Variants in CCSER1 observed in about 807,000 individuals in gnomAD.
CCSER1 encodes the protein serine-rich coiled-coil domain-containing protein 1.
Under a neutral mutation model 82.0 loss-of-function variants are expected in CCSER1, and 41 were observed. The ratio of observed to expected loss-of-function variants is 0.50; its 90% CI spans 0.39 to 0.65. The LOEUF (loss-of-function observed/expected upper bound fraction) is 0.65. CCSER1 is among the 30% of genes least tolerant of loss of function. The pLI is 0.00. For missense variants in CCSER1, 1,119 were observed against 1,064.2 expected, an observed-to-expected ratio of 1.05 and a Z score of -0.72; for synonymous variants, 414 against 383.9, an observed-to-expected ratio of 1.08 and a Z score of -0.92.
chr4:90,407,737 T>C (rs1753947356), intron 4 of CCSER1, among the ~76,000 whole-genome samples: 1 of 152,102 alleles, frequency 6.6e-6, no homozygotes, highest in African/African-American at 2.4e-5. Flanking sequence ...TTTCTGCATT[T>C]CCAACTGAGG....
intron 5 of CCSER1, among the ~76,000 whole-genome samples, chr4:90,624,414 T>C (rs1032675931): frequency 2.0e-5 from 3 of 152,084 alleles, no homozygotes; most frequent in African/African-American, 7.2e-5. Flanking sequence ...AAAAAAATCA[T>C]AAAAATATTC....
chr4:91,064,765 AGCAG>A (rs1744223311), intron 9 of CCSER1, among the ~76,000 whole-genome samples: 1 of 152,252 alleles, frequency 6.6e-6, no homozygotes, highest in Non-Finnish European at 1.5e-5. Context: ...CAGCCCTGCA[AGCAG>A]GCCCTTCTAA....
chr4:90,598,933 G>A (rs71609596), intron 5 of CCSER1, among the ~76,000 whole-genome samples: 2,020 of 152,250 alleles, frequency 0.013, 23 homozygotes, highest in Non-Finnish European at 0.021. Context: ...CAAAACCTCC[G>A]GGATGAAGGA....
intron 10 of CCSER1, among the ~76,000 whole-genome samples, chr4:91,360,003 T>C (rs1465489564): frequency 6.6e-6 from 1 of 151,872 alleles, no homozygotes; most frequent in Admixed American, 6.6e-5. Context: ...GTTTACACAA[T>C]TATAAAATTT....
At chr4:91,140,766 G>T (rs1055637899) in intron 10 of CCSER1, among the ~76,000 whole-genome samples, 2 of 152,090 alleles carry the variant, frequency 1.3e-5, no homozygotes, top group African/African-American at 4.8e-5. Flanking sequence ...TATTAAGGAA[G>T]ACATCTGATT....
At chr4:91,147,892 C>A (rs998660859) in intron 10 of CCSER1, among the ~76,000 whole-genome samples, 1 of 152,144 alleles carries the variant, frequency 6.6e-6, no homozygotes, top group Non-Finnish European at 1.5e-5. Flanking sequence ...CAGTAACTGC[C>A]TAGGCAGGAA....
At chr4:91,505,282 T>C (rs1305381188) in intron 10 of CCSER1, among the ~76,000 whole-genome samples, 1 of 152,250 alleles carries the variant, frequency 6.6e-6, no homozygotes, top group Non-Finnish European at 1.5e-5. Flanking sequence ...CATTGCTTTT[T>C]ATGGCTGCAT....
chr4:91,568,411 A>T (rs1240078899), intron 10 of CCSER1, among the ~76,000 whole-genome samples: 1 of 151,334 alleles, frequency 6.6e-6, no homozygotes, highest in East Asian at 1.9e-4. Flanking sequence ...AGGTTTGGAT[A>T]TTTTTCATGG....
intron 1 of CCSER1, among the ~76,000 whole-genome samples, chr4:90,214,315 A>C (rs1037125023): frequency 6.6e-6 from 1 of 152,134 alleles, no homozygotes; most frequent in African/African-American, 2.4e-5. Flanking sequence ...TCAGTAATAG[A>C]CCAATGTGAG....
intron 10 of CCSER1, among the ~76,000 whole-genome samples, chr4:91,556,934 AT>A (rs1237831420): frequency 7.9e-5 from 12 of 151,146 alleles, no homozygotes; most frequent in Non-Finnish European, 1.8e-4. Flanking sequence ...TAGAGAGGCC[AT>A]TTTTTAGTTT....
chr4:90,160,359 A>G lies in CCSER1; in HGVS notation c.-42+32528A>G, dbSNP rs538664009. On this transcript the variant is annotated intron_variant, in intron 1 of 10. Coordinates refer to ENST00000509176, the MANE Select transcript of CCSER1 (RefSeq NM_001145065.2). Reference sequence around the variant, plus strand: ...ATCACGTGTTTGGGCTCTGTTTATGAGAGAGATTAGAGATGAAGAGAAGAT... The same window carrying G: ...ATCACGTGTTTGGGCTCTGTTTATGGGAGAGATTAGAGATGAAGAGAAGAT... Among the ~76,000 whole-genome samples the G allele has an allele frequency of 1.9e-3, 291 of 152,306 alleles. 1 individual carries two copies. The highest frequency in any genetic ancestry group is 6.1e-3 in the African/African-American group (255 of 41,552).
chr4:91,548,380 T>C (rs1761992240), intron 10 of CCSER1, among the ~76,000 whole-genome samples: 1 of 150,730 alleles, frequency 6.6e-6, no homozygotes, highest in African/African-American at 2.5e-5. Flanking sequence ...TGAAGGAATA[T>C]ATTTCTGTTA....
intron 10 of CCSER1, among the ~76,000 whole-genome samples, chr4:91,549,925 CT>C (rs35257135): frequency 0.069 from 10,228 of 147,456 alleles, 445 homozygotes; most frequent in Non-Finnish European, 0.1. Context: ...GTCATTGCTG[CT>C]TTTTTTTTTT....
chr4:91,140,290 TTATTA>T (rs374647920), intron 10 of CCSER1, among the ~76,000 whole-genome samples: 24 of 151,950 alleles, frequency 1.6e-4, no homozygotes, highest in African/African-American at 4.8e-4. Context: ...TTTTGTGTGA[TTATTA>T]TAGCTGCATA....
chr4:91,354,260 T>C (rs1748672145), intron 10 of CCSER1, among the ~76,000 whole-genome samples: 1 of 152,240 alleles, frequency 6.6e-6, no homozygotes. Flanking sequence ...TTATCATCTT[T>C]CCAATCACTT....
intron 1 of CCSER1, among the ~76,000 whole-genome samples, chr4:90,153,433 T>C (rs1322224387): frequency 3.9e-5 from 6 of 152,150 alleles, no homozygotes; most frequent in Non-Finnish European, 5.9e-5. Context: ...ATGGTATTTC[T>C]AGTTCTAGAT....
intron 1 of CCSER1, among the ~76,000 whole-genome samples, chr4:90,238,368 A>C (rs950762406): frequency 1.3e-5 from 2 of 152,198 alleles, no homozygotes; most frequent in Admixed American, 6.5e-5. Context: ...GATTACAAGA[A>C]GGTCTTAATG....
intron 6 of CCSER1, among the ~76,000 whole-genome samples, chr4:90,711,983 G>T (rs1740696114): frequency 1.3e-5 from 2 of 151,658 alleles, no homozygotes; most frequent in Middle Eastern, 3.4e-3. Flanking sequence ...TATTTCTGTT[G>T]GGTCAGTGGT....
chr4:90,666,215 A>C (rs1158867969), intron 6 of CCSER1, among the ~76,000 whole-genome samples: 1 of 152,192 alleles, frequency 6.6e-6, no homozygotes, highest in Non-Finnish European at 1.5e-5. Flanking sequence ...TTAAGTCTAC[A>C]CAGGGGATTC....
Sources: gnomAD v4.1 joint callset for allele counts (sites outside exome capture counted in the v4.1 genomes callset) on GRCh38, gnomAD v4.1.1 for gene constraint, MANE v1.5 for transcripts, NCBI Gene and HGNC (gene_info 2026-07-23, HGNC 2026-07-21) for gene names.